KCTD18: variants seen among roughly 807,000 people sequenced by gnomAD.
KCTD18 encodes the protein potassium channel tetramerization domain containing 18, also known as BTB/POZ domain-containing protein KCTD18.
A neutral mutation model predicts 30.4 loss-of-function variants in KCTD18; 22 were observed. The ratio of observed to expected loss-of-function variants is 0.72; its 90% confidence interval spans 0.52 to 1.03. The LOEUF (loss-of-function observed/expected upper bound fraction) is 1.03, where lower values mean the gene tolerates loss of function less well. KCTD18 is among the 50% of genes least tolerant of loss of function. KCTD18 has a pLI of 0.00. For synonymous variants in KCTD18, 186 were observed against 209.0 expected (o/e 0.89, Z 0.95); for missense variants, 529 against 547.6 (o/e 0.97, Z 0.34).
intron 1 of KCTD18, 30 bp downstream of exon 1, chr2:200,509,598 A>G (rs532520919): frequency 6.6e-6 from 1 of 152,282 alleles, no homozygotes; most frequent in Non-Finnish European, 1.5e-5. Flanking sequence ...CTCGGGGACA[A>G]TGTCCCCCAG....
rs764954958 is a variant in KCTD18, at chr2:200,490,301, A to C, written c.1080T>G (p.Pro360=). The C allele has an allele frequency of 3.1e-6, 5 of 1,614,088 alleles. No homozygotes were observed. Among genetic ancestry groups the C allele is most frequent in the Non-Finnish European group, 3.4e-6 (4 of 1,180,034 alleles). ...TGTCGGAGAGTAGCACCTTAGCTGG[A>C]GGTAAGTGCGTGCCTCCATTTTCAG... The part of the protein sequence containing the change: ...ASAENGGTHL[P]PAKVLLSDKK... The change falls in exon 7 of 7, where the codon CCT becomes CCG. Residue 360 remains proline (P), a synonymous_variant. Coordinates refer to ENST00000359878, the MANE Select transcript of KCTD18 (RefSeq NM_152387.4).
chr2:200,489,904 T>C lies in KCTD18; in HGVS notation c.*196A>G, dbSNP rs1291491493. The C allele has an allele frequency of 2.0e-4, 113 of 554,002 alleles. No individual in the cohort carries two copies. The highest frequency in any genetic ancestry group is 1.3e-4 in the Non-Finnish European group (41 of 326,084). The allele number at this position is 554,002 out of a possible 1,614,324, so 34.3% of individuals were successfully genotyped here. Reference sequence around the variant, plus strand: ...TGCCCATAGACAATCATATAAAAGTTGGGAAAATGAGAAATGGAGCCTTAA... The same window carrying C: ...TGCCCATAGACAATCATATAAAAGTCGGGAAAATGAGAAATGGAGCCTTAA... On this transcript the variant is annotated 3_prime_UTR_variant, in exon 7 of 7. Transcript: ENST00000359878.
chr2:200,498,001 T>C (rs758332492), intron 4 of KCTD18, among the ~76,000 whole-genome samples, 154 bp from the exon 5 acceptor site: 1 of 152,242 alleles, frequency 6.6e-6, no homozygotes, highest in Non-Finnish European at 1.5e-5. Flanking sequence ...AGTATACATA[T>C]GCTTACACAG....
chr2:200,502,831 G>A (rs2029946586), intron 3 of KCTD18, among the ~76,000 whole-genome samples: 2 of 152,122 alleles, frequency 1.3e-5, no homozygotes, highest in African/African-American at 4.8e-5. Context: ...GGGAGTTCGA[G>A]ACCAGCCTGA....
chr2:200,507,967 C>G (rs1449393120), intron 1 of KCTD18, among the ~76,000 whole-genome samples: 1 of 152,156 alleles, frequency 6.6e-6, no homozygotes, highest in African/African-American at 2.4e-5. Flanking sequence ...AGCCACCACG[C>G]CCAGCCTGAG....
At chr2:200,500,895 C>T (rs2088073919) in intron 3 of KCTD18, among the ~76,000 whole-genome samples, 1 of 152,128 alleles carries the variant, frequency 6.6e-6, no homozygotes, top group Non-Finnish European at 1.5e-5. Context: ...TACTACAAGG[C>T]TACAGTAACC....
chr2:200,490,042 G>A lies in KCTD18; in HGVS notation c.*58C>T. On this transcript the variant is annotated 3_prime_UTR_variant, in exon 7 of 7. Coordinates refer to ENST00000359878, the MANE Select transcript of KCTD18 (RefSeq NM_152387.4). ...CATTAAGAAAGTGTCACTTCTTTGC[G>A]TCGAATGGGTTGAAAGCTTTGGGAG... 1.3e-6 allele frequency: 2 copies of A among 1,493,910 alleles called. No homozygotes were observed. Among genetic ancestry groups the A allele is most frequent in the African/African-American group, 1.4e-5 (1 of 71,782 alleles). The allele number at this position is 1,493,910 out of a possible 1,614,324, so 92.5% of individuals were successfully genotyped here.
intron 6 of KCTD18, among the ~76,000 whole-genome samples, chr2:200,492,841 T>C (rs713398): frequency 0.27 from 40,022 of 150,406 alleles, 6,642 homozygotes; most frequent in East Asian, 0.51. Context: ...ATTTTTTTTT[T>C]ACTATTGCCA....
chr2:200,498,850 G>A (rs1365999415), intron 4 of KCTD18, 41 bp downstream of exon 4: 1 of 1,555,618 alleles, frequency 6.4e-7, no homozygotes, highest in Non-Finnish European at 8.9e-7. Flanking sequence ...AAGAGACCAA[G>A]ACTTTATTTT....
chr2:200,504,678 T>C (rs748942429), intron 3 of KCTD18, 70 bp downstream of exon 3: 17 of 1,084,374 alleles, frequency 1.6e-5, no homozygotes, highest in Non-Finnish European at 1.8e-5. Context: ...ACACAGGCTA[T>C]GCAAAATAGT....
chr2:200,504,815 C>A lies in KCTD18; in HGVS notation c.305G>T (p.Ser102Ile). 1.2e-6 allele frequency: 2 copies of A among 1,614,150 alleles called. No homozygotes were observed. The highest frequency in any genetic ancestry group is 1.7e-6 in the Non-Finnish European group (2 of 1,180,026). ...ADYFGIPYPY[S>I]LSDHLANEME... ...TTCATTGGCCAAATGGTCAGACAGGCTGTATGGATAAGGGATGCCAAAGTA... is the reference window on the plus strand; with the variant it reads ...TTCATTGGCCAAATGGTCAGACAGGATGTATGGATAAGGGATGCCAAAGTA... Residue 102 changes from serine to isoleucine, a missense_variant, in exon 3 of 7, where the codon AGC (serine) becomes ATC (isoleucine). By Grantham distance (142) the Ser-to-Ile change is moderately radical (BLOSUM62 -2). Coordinates refer to ENST00000359878, the MANE Select transcript of KCTD18 (RefSeq NM_152387.4).
intron 3 of KCTD18, among the ~76,000 whole-genome samples, chr2:200,499,334 C>T (rs902805816): frequency 6.6e-6 from 1 of 152,086 alleles, no homozygotes; most frequent in Non-Finnish European, 1.5e-5. Context: ...CTACAGAAAC[C>T]TTTTCCACAT....
chr2:200,498,811 A>T (rs2088037600), intron 4 of KCTD18, 80 bp downstream of exon 4: 1 of 1,274,508 alleles, frequency 7.8e-7, no homozygotes, highest in East Asian at 2.3e-5. Flanking sequence ...TTTCTAGTCA[A>T]GCACATTTCA....
chr2:200,497,906 A>T, intron 4 of KCTD18, 59 bp from the exon 5 acceptor site: 1 of 1,086,428 alleles, frequency 9.2e-7, no homozygotes, highest in Non-Finnish European at 1.4e-6. Flanking sequence ...GTGCATATAT[A>T]CATACAGCTA....
chr2:200,495,142 T>A (rs1205694502), intron 5 of KCTD18, among the ~76,000 whole-genome samples: 2 of 152,154 alleles, frequency 1.3e-5, no homozygotes, highest in African/African-American at 4.8e-5. Flanking sequence ...TCACTCCTAA[T>A]CAGAAGACCA....
rs753720777 is a variant in KCTD18, at chr2:200,490,148, G to C, written c.1233C>G (p.Ala411=). Residue 411 remains alanine (A), a synonymous_variant, in exon 7 of 7, where the codon GCC becomes GCG. Coordinates refer to ENST00000359878, the MANE Select transcript of KCTD18 (RefSeq NM_152387.4). ...NSLKPLPGEA[A]RALGVRTENG... Reference sequence around the variant, plus strand: ...TCTCAGTCCGCACTCCCAAGGCACGGGCAGCTTCGCCGGGAAGCGGCTTGA... The same window carrying C: ...TCTCAGTCCGCACTCCCAAGGCACGCGCAGCTTCGCCGGGAAGCGGCTTGA... The C allele has an allele frequency of 6.2e-7, 1 of 1,607,672 alleles. No individual in the cohort carries two copies.
intron 6 of KCTD18, among the ~76,000 whole-genome samples, chr2:200,491,991 A>G (rs918585324): frequency 3.3e-5 from 5 of 152,158 alleles, no homozygotes; most frequent in African/African-American, 9.7e-5. Flanking sequence ...GCTCCTTGGG[A>G]CCTTACAAGT....
At position 200,493,283 on chromosome 2, in the gene KCTD18, T is replaced by TA; in HGVS notation, c.662-10dup. ...CCGCCAGTAGCTAACACCTGGAAGG[T>TA]AAAAAGACATAATTAAGACAGCTAC... On this transcript the variant is annotated splice_polypyrimidine_tract_variant and intron_variant, in intron 5 of 6. Transcript: ENST00000359878. 1 of 1,476,560 alleles carries TA rather than the reference T, an allele frequency of 6.8e-7. No individual in the cohort carries two copies. The highest frequency in any genetic ancestry group is 9.5e-7 in the Non-Finnish European group (1 of 1,054,882). 91.5% of individuals were successfully genotyped at this position (1,476,560 alleles called of 1,614,324 possible).
intron 3 of KCTD18, among the ~76,000 whole-genome samples, chr2:200,504,386 G>T (rs978793501): frequency 1.3e-5 from 2 of 150,552 alleles, no homozygotes; most frequent in African/African-American, 4.9e-5. Flanking sequence ...GTGAAGCCCA[G>T]AGGCGGAGCT....
Sources: allele counts gnomAD v4.1 joint callset (sites outside exome capture counted in the v4.1 genomes callset), GRCh38; gene constraint gnomAD v4.1.1; transcripts MANE v1.5; gene names NCBI Gene and HGNC (gene_info 2026-07-23, HGNC 2026-07-21).